Variants in NUMA1 observed in about 807,000 individuals in gnomAD.
NUMA1 encodes SP-H antigen.
Under a neutral mutation model 237.1 loss-of-function variants are expected in NUMA1, and 62 were observed. The ratio of observed to expected loss-of-function variants is 0.26; its 90% CI spans 0.21 to 0.32. The LOEUF (loss-of-function observed/expected upper bound fraction) is 0.32, where lower values mean the gene tolerates loss of function less well. Among genes scored for constraint, NUMA1 ranks in the 10% least tolerant of loss-of-function variants. The pLI, the probability that NUMA1 is intolerant of heterozygous loss-of-function variation, is 1.00. For synonymous variants in NUMA1, 1,028 were observed against 1,066.1 expected (o/e 0.96, Z 0.70); for missense variants, 2,533 against 2,666.5 (o/e 0.95, Z 1.10).
At chr11:72,006,904 T>G (rs1167774556) in intron 21 of NUMA1, among the ~76,000 whole-genome samples, 1 of 152,250 alleles carries the variant, frequency 6.6e-6, no homozygotes, top group African/African-American at 2.4e-5. Context: ...CAGGATGGGC[T>G]GCAGCTTCGC....
intron 2 of NUMA1, among the ~76,000 whole-genome samples, chr11:72,043,847 T>C (rs1311865283): frequency 6.6e-6 from 1 of 152,096 alleles, no homozygotes; most frequent in Non-Finnish European, 1.5e-5. Context: ...GAGGCTAGGG[T>C]GGGAGAATTC....
chr11:72,012,834 T>C lies in NUMA1; in HGVS notation c.4608+61A>G, dbSNP rs1261741287. ...AGCTAGAGGCCCTGGACACAGAGGA[T>C]CGATGTCCCCGCGCTCTCAGCTCCT... On this transcript the variant is annotated intron_variant, in intron 15 of 26. Transcript: ENST00000393695. 3 of 1,570,094 alleles carry C rather than the reference T, an allele frequency of 1.9e-6. No homozygotes were observed. In the East Asian group the frequency reaches 6.7e-5, roughly 35 times the overall value.
intron 2 of NUMA1, among the ~76,000 whole-genome samples, chr11:72,046,920 A>G (rs1942033916): frequency 6.6e-6 from 1 of 152,124 alleles, no homozygotes; most frequent in African/African-American, 2.4e-5. Flanking sequence ...AGATTGCGCC[A>G]TTGCACTCCA....
At chr11:72,047,240 T>C (rs370048922) in intron 2 of NUMA1, among the ~76,000 whole-genome samples, 7 of 152,170 alleles carry the variant, frequency 4.6e-5, no homozygotes, top group African/African-American at 1.7e-4. Flanking sequence ...GAGGCCAAGG[T>C]GGGAGGATAA....
chr11:72,007,694 C>G, intron 20 of NUMA1: 1 of 530,194 alleles, frequency 1.9e-6, no homozygotes, highest in East Asian at 3.4e-5. Flanking sequence ...ATGCCCATGG[C>G]TGCTTCACAG....
intron 1 of NUMA1, among the ~76,000 whole-genome samples, chr11:72,073,457 C>A (rs1210818352): frequency 6.6e-6 from 1 of 152,156 alleles, no homozygotes; most frequent in South Asian, 2.1e-4. Flanking sequence ...TATGCCCCAC[C>A]TTTGAAGAGC....
intron 16 of NUMA1, among the ~76,000 whole-genome samples, chr11:72,012,106 G>A (rs1438406680): frequency 6.6e-6 from 1 of 152,196 alleles, no homozygotes; most frequent in African/African-American, 2.4e-5. Context: ...GATTGTGTCT[G>A]TCATTGGTTC....
Position 72,007,356 on chromosome 11 carries a change from T to G in NUMA1, c.5296A>C (p.Lys1766Gln). ...TAGAGACTCTCCAGGGATTCTACCT[T>G]GGGGGGCAGGCGCTGGGAGATAGGT... ...ASPISQRLPP[K>Q]VESLESLYFT... is the part of the protein sequence containing the mutation. Residue 1766 changes from lysine to glutamine, a missense_variant, in exon 21 of 27, where the codon AAG (lysine) becomes CAG (glutamine). Around this residue, in one of 3 missense-constraint regions of NUMA1, gnomAD observed 795 missense variants for 750.8 expected, o/e 1.06. Transcript: ENST00000393695. 1 of 1,613,574 alleles carries G rather than the reference T, an allele frequency of 6.2e-7. No individual in the cohort carries two copies. Among genetic ancestry groups the G allele is most frequent in the Non-Finnish European group, 8.5e-7 (1 of 1,179,836 alleles).
rs1397927713 is a variant in NUMA1 at position 72,003,250 on chromosome 11, GT to G, written c.*276del. The G allele has an allele frequency of 4.0e-5, 20 of 504,614 alleles. No homozygotes were observed. The highest frequency in any genetic ancestry group is 2.7e-4 in the Admixed American group (8 of 29,926). 31.3% of individuals were successfully genotyped at this position (504,614 alleles called of 1,614,324 possible). On this transcript the variant is annotated 3_prime_UTR_variant, in exon 27 of 27. Coordinates refer to ENST00000393695, the MANE Select transcript of NUMA1 (RefSeq NM_006185.4). Reference sequence around the variant, plus strand: ...GCCATCAAAACCAGCCTCAAATCTGGTTGTGATGGAGAAGTGACTTTGCTTT... The same window carrying G: ...GCCATCAAAACCAGCCTCAAATCTGGTGTGATGGAGAAGTGACTTTGCTTT...
At chr11:72,074,753 G>C (rs1024442863) in intron 1 of NUMA1, among the ~76,000 whole-genome samples, 2 of 151,946 alleles carry the variant, frequency 1.3e-5, no homozygotes, top group Admixed American at 1.3e-4. Context: ...TAACAAACAG[G>C]CTGGGTGCAA....
intron 19 of NUMA1, 40 bp downstream of exon 19, chr11:72,008,927 T>C: frequency 6.2e-7 from 1 of 1,612,180 alleles, no homozygotes; most frequent in Non-Finnish European, 8.5e-7. Context: ...AGGGGTCCAG[T>C]GGAATAGGAG....
chr11:72,019,758 T>A, intron 8 of NUMA1, 141 bp from the exon 9 acceptor site: 1 of 911,338 alleles, frequency 1.1e-6, no homozygotes, highest in Non-Finnish European at 1.6e-6. Flanking sequence ...AGGAAGGCAC[T>A]GGGCAGAACC....
rs1169548082 is a variant in NUMA1 at position 72,013,475 on chromosome 11, A to AG, written c.4027dup (p.Leu1343ProfsTer17). 1 of 1,613,226 alleles carries AG rather than the reference A, an allele frequency of 6.2e-7. No individual in the cohort carries two copies. Among genetic ancestry groups the AG allele is most frequent in the African/African-American group, 1.3e-5 (1 of 74,898 alleles). On this transcript the variant is annotated frameshift_variant, in exon 15 of 27. Transcript: ENST00000393695. LOFTEE classifies it high-confidence loss of function. This position sits in a 1 kb window ranked among gnomAD's most constrained non-coding sequence, Gnocchi z 6.8. ...GGTGTGCTCGAGCTGCAGGGTGGAG[A>AG]GGGCCTGCTCTTTCTGGAAGAACTT...
At chr11:72,062,594 A>G in intron 2 of NUMA1, 1 of 152,394 alleles carries the variant, frequency 6.6e-6, no homozygotes, top group Non-Finnish European at 1.5e-5. Flanking sequence ...CGCACCTGTA[A>G]TCCCAGCTAC....
intron 7 of NUMA1, 146 bp from the exon 8 acceptor site, chr11:72,021,437 G>A (rs907186451): frequency 2.9e-6 from 2 of 700,354 alleles, no homozygotes; most frequent in Non-Finnish European, 5.0e-6. Flanking sequence ...TCAGAGCTGA[G>A]GTCCTATGAC....
At chr11:72,024,170 G>T in intron 5 of NUMA1, 104 bp downstream of exon 5, 1 of 985,772 alleles carries the variant, frequency 1.0e-6, no homozygotes, top group Non-Finnish European at 1.6e-6. Context: ...GGGGAGCCTT[G>T]AAATTTTTCT....
intron 1 of NUMA1, among the ~76,000 whole-genome samples, chr11:72,072,966 GA>G (rs1314855504): frequency 2.7e-5 from 4 of 150,932 alleles, no homozygotes; most frequent in Non-Finnish European, 5.9e-5. Context: ...AGAATGGCGT[GA>G]ACCTGGGAGG....
At chr11:72,028,376 C>T (rs1442598193) in intron 4 of NUMA1, among the ~76,000 whole-genome samples, 1 of 148,084 alleles carries the variant, frequency 6.8e-6, no homozygotes, top group African/African-American at 2.5e-5. Flanking sequence ...CTAACTGCCA[C>T]GTATGGCACA....
At chr11:72,036,562 A>G (rs986431397) in intron 2 of NUMA1, among the ~76,000 whole-genome samples, 2 of 152,232 alleles carry the variant, frequency 1.3e-5, no homozygotes, top group Admixed American at 1.3e-4. Context: ...ATTGTACCTA[A>G]CAATACCTAA....
Sources: allele counts gnomAD v4.1 joint callset (sites outside exome capture counted in the v4.1 genomes callset), GRCh38; gene constraint gnomAD v4.1.1; regional missense constraint gnomAD v4.1.1; non-coding constraint Gnocchi (gnomAD v3.1); transcripts MANE v1.5; gene names NCBI Gene and HGNC (gene_info 2026-07-23, HGNC 2026-07-21).